The following ASPH variants were observed in gnomAD, a reference collection of about 807,000 sequenced individuals.
The protein encoded by ASPH is aspartyl/asparaginyl beta-hydroxylase.
A neutral mutation model predicts 118.4 loss-of-function variants in ASPH; 100 were observed. The observed-to-expected ratio is 0.84, with a 90% CI of 0.72 to 1.00. ASPH has a LOEUF of 1.00. Ranked by LOEUF, ASPH falls within the 50% of genes least tolerant of loss-of-function variation. The pLI, the probability that ASPH is intolerant of heterozygous loss-of-function variation, is 0.00. For synonymous variants in ASPH, 315 were observed against 325.6 expected (o/e 0.97, Z 0.35); for missense variants, 920 against 919.5 (o/e 1.00, Z -0.01).
In ASPH at chr8:61,583,973, G is replaced by A; in HGVS notation, c.1033C>T (p.Leu345Phe). 2 of 1,585,978 alleles carry A rather than the reference G, an allele frequency of 1.3e-6. No individual in the cohort carries two copies. Among genetic ancestry groups the A allele is most frequent in the Non-Finnish European group, 1.7e-6 (2 of 1,165,448 alleles). ...TTACGGAGTTTTTCTGCAGCATCAA[G>A]TTCAGCTTTAATAGTCTTATCAAAT... Reference protein sequence around the residue: ...NKFDKTIKAELDAAEKLRKRG... With the variant: ...NKFDKTIKAEFDAAEKLRKRG... Residue 345 changes from leucine (L) to phenylalanine (F), a missense_variant, in exon 15 of 25, where the codon CTT becomes TTT. Physicochemically the swap from Leu to Phe is conservative, Grantham distance 22. Transcript: ENST00000379454.
intron 5 of ASPH, among the ~76,000 whole-genome samples, chr8:61,649,969 A>G (rs1810074008): frequency 1.3e-5 from 2 of 152,058 alleles, no homozygotes; most frequent in Non-Finnish European, 2.9e-5. Flanking sequence ...TGTCTCTGGG[A>G]TATGCCTTCT....
chr8:61,672,811 C>G (rs957221688), intron 3 of ASPH, among the ~76,000 whole-genome samples: 4 of 152,196 alleles, frequency 2.6e-5, no homozygotes, highest in Non-Finnish European at 5.9e-5. Flanking sequence ...AAGTCTGGGT[C>G]ACTGAGTTTC....
At position 61,693,525 on chromosome 8, in the gene ASPH, C is replaced by T. The variant is rs77160607; in HGVS notation, c.104-9337G>A. On this transcript the variant is annotated intron_variant, in intron 1 of 24. Transcript: ENST00000379454. ...ACATTTTCAAACTAACACTAAACAA[C>T]CAGTATTACCAAATAACAAAATGCA... Among the ~76,000 whole-genome samples the T allele has an allele frequency of 1.6e-3, 237 of 152,234 alleles. 1 individual carries two copies. Among genetic ancestry groups the T allele is most frequent in the African/African-American group, 5.4e-3 (226 of 41,536 alleles).
intron 20 of ASPH, among the ~76,000 whole-genome samples, chr8:61,551,922 G>A (rs924086278): frequency 1.4e-4 from 21 of 152,054 alleles, no homozygotes; most frequent in Admixed American, 7.9e-4. Context: ...GGTTAGAGGG[G>A]GAAAGGTACA....
At chr8:61,661,926 C>T (rs1408975454) in intron 3 of ASPH, 5 of 452,700 alleles carry the variant, frequency 1.1e-5, no homozygotes, top group African/African-American at 2.0e-5. Flanking sequence ...ATGCAAATTA[C>T]CTATAAAATA....
chr8:61,560,158 A>G lies in ASPH; in HGVS notation c.1437+2586T>C, dbSNP rs542928314. On this transcript the variant is annotated intron_variant, in intron 18 of 24. Transcript: ENST00000379454. ...CTAGCTAGTGTGTATGGGTTTTAAT[A>G]GATGTGTGTTGGCTGAGTGAATGGG... is the stretch of plus-strand genomic sequence containing the variant. Among the ~76,000 whole-genome samples the G allele has an allele frequency of 1.7e-3, 261 of 152,316 alleles. 2 individuals carry two copies. The highest frequency in any genetic ancestry group is 6.8e-3 in the Middle Eastern group (2 of 294).
intron 16 of ASPH, among the ~76,000 whole-genome samples, chr8:61,569,151 T>G (rs957075915): frequency 6.6e-6 from 1 of 152,074 alleles, no homozygotes; most frequent in African/African-American, 2.4e-5. Flanking sequence ...CAGCATCAGG[T>G]GGAAATTGTC....
intron 3 of ASPH, chr8:61,664,814 GA>G (rs1197363323): frequency 1.0e-6 from 1 of 988,062 alleles, no homozygotes. Flanking sequence ...GAAAAACAGG[GA>G]AGCAGGAAGG....
chr8:61,569,198 C>T (rs1832728450), intron 16 of ASPH, among the ~76,000 whole-genome samples: 1 of 152,088 alleles, frequency 6.6e-6, no homozygotes, highest in African/African-American at 2.4e-5. Context: ...AAAGAATCAA[C>T]ATTCTTAGCT....
chr8:61,566,763 T>C (rs1831842614), intron 17 of ASPH, among the ~76,000 whole-genome samples: 1 of 152,242 alleles, frequency 6.6e-6, no homozygotes, highest in Non-Finnish European at 1.5e-5. Context: ...TACAACTCAC[T>C]GAAGGCTCAG....
intron 19 of ASPH, among the ~76,000 whole-genome samples, 185 bp downstream of exon 19, chr8:61,555,739 C>T (rs1178252482): frequency 2.0e-5 from 3 of 152,240 alleles, no homozygotes; most frequent in African/African-American, 7.2e-5. Context: ...GGTATCCTGA[C>T]ATCTGACACT....
At chr8:61,676,481 ACAATCAACTCT>A (rs1825446551) in intron 3 of ASPH, among the ~76,000 whole-genome samples, 1 of 152,152 alleles carries the variant, frequency 6.6e-6, no homozygotes, top group Non-Finnish European at 1.5e-5. Flanking sequence ...TGCACACCTT[ACAATCAACTCT>A]CAATCAAATG....
At chr8:61,508,820 T>G (rs917602962) in intron 24 of ASPH, among the ~76,000 whole-genome samples, 7 of 152,120 alleles carry the variant, frequency 4.6e-5, no homozygotes, top group African/African-American at 9.7e-5. Context: ...ACAGGCTGAG[T>G]TGAAAACAGA....
At chr8:61,543,107 T>C (rs1822550531) in intron 21 of ASPH, among the ~76,000 whole-genome samples, 1 of 152,200 alleles carries the variant, frequency 6.6e-6, no homozygotes, top group African/African-American at 2.4e-5. Flanking sequence ...TGTCTAGGTA[T>C]GTTTCTGAGT....
Position 61,534,749 on chromosome 8 carries a change from C to G in ASPH, c.1765-8637G>C, listed in dbSNP as rs558747487. The stretch of plus-strand genomic sequence containing the variant: ...TGTATGTGGGAAAATAGGACCATTC[C>G]GAGAAAAGTTTTTGCTGAGGCAGTT... On this transcript the variant is annotated intron_variant, in intron 21 of 24. Transcript: ENST00000379454. Among the ~76,000 whole-genome samples the G allele has an allele frequency of 2.6e-5, 4 of 152,262 alleles. No homozygotes were observed. In the East Asian group the frequency reaches 7.7e-4, roughly 29 times the overall value.
chr8:61,687,083 C>G (rs1045595799), intron 1 of ASPH, among the ~76,000 whole-genome samples: 25 of 151,718 alleles, frequency 1.6e-4, no homozygotes, highest in African/African-American at 5.8e-4. Context: ...AAAGCAAGAC[C>G]CTTTCTTAAA....
chr8:61,613,782 T>G (rs1848197110), intron 14 of ASPH, among the ~76,000 whole-genome samples: 1 of 152,224 alleles, frequency 6.6e-6, no homozygotes, highest in African/African-American at 2.4e-5. Flanking sequence ...AGATGCGTCA[T>G]GTGCTGCACT....
intron 10 of ASPH, among the ~76,000 whole-genome samples, chr8:61,640,194 G>C (rs1353067342): frequency 6.6e-6 from 1 of 152,096 alleles, no homozygotes; most frequent in African/African-American, 2.4e-5. Context: ...ATCTCCTTTG[G>C]TTCCTTCAGA....
chr8:61,610,122 C>G (rs1187007686), intron 14 of ASPH, among the ~76,000 whole-genome samples: 2 of 152,020 alleles, frequency 1.3e-5, no homozygotes, highest in Non-Finnish European at 2.9e-5. Context: ...ATTTTACTTT[C>G]CTGCTCACAT....
Sources: allele counts gnomAD v4.1 joint callset (sites outside exome capture counted in the v4.1 genomes callset), GRCh38; gene constraint gnomAD v4.1.1; transcripts MANE v1.5; gene names NCBI Gene and HGNC (gene_info 2026-07-23, HGNC 2026-07-21).